DPF3: variants seen among roughly 807,000 people sequenced by gnomAD.
The protein encoded by DPF3 is double PHD fingers 3.
DPF3 carries 18 observed loss-of-function variants against 56.8 expected under a neutral mutation model. The ratio of observed to expected loss-of-function variants is 0.32; its 90% CI spans 0.22 to 0.47. The LOEUF is 0.47. DPF3 is among the 20% of genes least tolerant of loss of function. The pLI, the probability that DPF3 is intolerant of heterozygous loss-of-function variation, is 1.00. For synonymous variants in DPF3, 188 were observed against 180.2 expected (o/e 1.04, Z -0.35); for missense variants, 403 against 488.8 (o/e 0.82, Z 1.65).
intron 7 of DPF3, among the ~76,000 whole-genome samples, chr14:72,692,110 G>A (rs1395509100): frequency 6.6e-6 from 1 of 152,194 alleles, no homozygotes; most frequent in Non-Finnish European, 1.5e-5. Context: ...AGTTGACTAA[G>A]TCGTTGGCTA....
At chr14:72,645,487 A>G (rs1301385921) in intron 8 of DPF3, among the ~76,000 whole-genome samples, 1 of 151,918 alleles carries the variant, frequency 6.6e-6, no homozygotes, top group Non-Finnish European at 1.5e-5. Context: ...TGCCTGGCTA[A>G]TTTTTAAATT....
chr14:72,637,860 A>C (rs1204451307), intron 8 of DPF3, among the ~76,000 whole-genome samples: 1 of 147,338 alleles, frequency 6.8e-6, no homozygotes, highest in Non-Finnish European at 1.5e-5. Context: ...TCTAGAATTC[A>C]TGTCAACTTT....
At chr14:72,817,208 C>T (rs923639894) in intron 1 of DPF3, among the ~76,000 whole-genome samples, 3 of 152,170 alleles carry the variant, frequency 2.0e-5, no homozygotes, top group Admixed American at 2.0e-4. Flanking sequence ...CCTAAATGGC[C>T]CTGTTTCCCA....
intron 1 of DPF3, among the ~76,000 whole-genome samples, chr14:72,813,056 G>A (rs190137041): frequency 6.6e-5 from 10 of 152,218 alleles, no homozygotes; most frequent in African/African-American, 2.2e-4. Flanking sequence ...GGGCTCCTTC[G>A]AAAATGCTTC....
chr14:72,739,332 T>G (rs1890034756), intron 3 of DPF3, among the ~76,000 whole-genome samples: 1 of 152,008 alleles, frequency 6.6e-6, no homozygotes, highest in Non-Finnish European at 1.5e-5. Flanking sequence ...TCCATTACCC[T>G]AAAGCACACA....
At chr14:72,877,347 C>A (rs899970008) in intron 1 of DPF3, among the ~76,000 whole-genome samples, 1 of 152,040 alleles carries the variant, frequency 6.6e-6, no homozygotes, top group Admixed American at 6.6e-5. Flanking sequence ...CTATCCAGAC[C>A]AGTTCCTCTG....
intron 3 of DPF3, among the ~76,000 whole-genome samples, chr14:72,732,958 G>T (rs1043613087): frequency 6.8e-6 from 1 of 146,010 alleles, no homozygotes; most frequent in Non-Finnish European, 1.5e-5. Context: ...TAGAGACAGG[G>T]TCTTACTTTA....
At chr14:72,683,613 T>C (rs1887266097) in intron 7 of DPF3, among the ~76,000 whole-genome samples, 2 of 152,156 alleles carry the variant, frequency 1.3e-5, no homozygotes, top group Admixed American at 1.3e-4. Flanking sequence ...GGTCACACGT[T>C]AGTCAGTGGC....
Position 72,637,110 on chromosome 14 carries a change from T to C in DPF3, c.872-7374A>G, listed in dbSNP as rs568891558. 2.6e-5 allele frequency among the ~76,000 whole-genome samples: 4 copies of C among 152,328 alleles called. No homozygotes were observed. The South Asian group carries it at 8.3e-4, about 32-fold the overall frequency. On this transcript the variant is annotated intron_variant, in intron 8 of 10. Coordinates refer to ENST00000556509, the MANE Select transcript of DPF3 (RefSeq NM_001280542.3). ...TAAATAACCATACAAAGCACATTCA[T>C]GCAAGAGTATTACGGGCACTTTTAA...
intron 1 of DPF3, among the ~76,000 whole-genome samples, chr14:72,876,245 G>A (rs2140118220): frequency 6.6e-6 from 1 of 152,286 alleles, no homozygotes; most frequent in East Asian, 1.9e-4. Flanking sequence ...GCCCCACAGG[G>A]TGTCTCCCTC....
chr14:72,884,529 G>A (rs1056968542), intron 1 of DPF3, among the ~76,000 whole-genome samples: 1 of 151,880 alleles, frequency 6.6e-6, no homozygotes, highest in Non-Finnish European at 1.5e-5. Context: ...GGGCCGCTGC[G>A]GGGAAGCCAG....
chr14:72,852,432 C>T (rs1273632105), intron 1 of DPF3, among the ~76,000 whole-genome samples: 2 of 152,182 alleles, frequency 1.3e-5, no homozygotes, highest in Non-Finnish European at 2.9e-5. Context: ...GTTCTGGTAA[C>T]CGCCCCCAAC....
At chr14:72,830,360 A>G (rs1359873724) in intron 1 of DPF3, among the ~76,000 whole-genome samples, 2 of 152,200 alleles carry the variant, frequency 1.3e-5, no homozygotes, top group African/African-American at 4.8e-5. Flanking sequence ...ATCCAGTTAC[A>G]CTGTCCTTAT....
At chr14:72,621,652 G>A (rs1005410527) in intron 9 of DPF3, among the ~76,000 whole-genome samples, 8 of 152,188 alleles carry the variant, frequency 5.3e-5, no homozygotes, top group African/African-American at 1.9e-4. Flanking sequence ...TACCCAGTGG[G>A]GGAGAGGTTC....
intron 4 of DPF3, among the ~76,000 whole-genome samples, chr14:72,728,222 C>T (rs746505338): frequency 6.6e-6 from 1 of 152,194 alleles, no homozygotes; most frequent in Non-Finnish European, 1.5e-5. Context: ...GTCACATACA[C>T]ACACACAAGG....
At position 72,771,950 on chromosome 14, in the gene DPF3, G is replaced by C. The variant is rs956146035; in HGVS notation, c.33-57C>G. 37 of 1,379,240 alleles carry C rather than the reference G, an allele frequency of 2.7e-5. No homozygotes were observed. In the African/African-American group the frequency reaches 4.0e-4, roughly 15 times the overall value. The allele number at this position is 1,379,240 out of a possible 1,614,324, so 85.4% of individuals were successfully genotyped here. A position where few individuals can be genotyped will look rare whatever the true frequency, so the allele number is the denominator to read the frequency against. The stretch of plus-strand genomic sequence containing the variant: ...CAGGGAAGACTGAAACACACCCAGA[G>C]GGAAACACACCCAGAGGGAAACACA... On this transcript the variant is annotated intron_variant, in intron 1 of 10. Transcript: ENST00000556509.
chr14:72,839,311 A>G lies in DPF3; in HGVS notation c.32+54746T>C, dbSNP rs78770125. ...AGCCTAAAAGAGGGACTCCCAAGTA[A>G]TATCAACTTGCAAACCTATGAATTT... On this transcript the variant is annotated intron_variant, in intron 1 of 10. Transcript: ENST00000556509. 4.6e-3 allele frequency among the ~76,000 whole-genome samples: 701 copies of G among 152,230 alleles called. 4 individuals carry two copies. Among genetic ancestry groups the G allele is most frequent in the African/African-American group, 0.016 (669 of 41,540 alleles).
At chr14:72,731,512 C>A (rs1011782729) in intron 4 of DPF3, 30 of 324,184 alleles carry the variant, frequency 9.3e-5, no homozygotes, top group African/African-American at 6.4e-4. Flanking sequence ...TTTGTCCACT[C>A]TGTGTCCCTG....
chr14:72,765,830 C>T lies in DPF3; in HGVS notation c.193+5903G>A, dbSNP rs182596822. 2.0e-5 allele frequency among the ~76,000 whole-genome samples: 3 copies of T among 152,208 alleles called. No homozygotes were observed. In the East Asian group the frequency reaches 5.8e-4, roughly 29 times the overall value. ...CGGGGAGGCTGAGGCAGGAGAATGG[C>T]GTGAACCCAGGAGGCGGAGCTTGCA... On this transcript the variant is annotated intron_variant, in intron 2 of 10. Transcript: ENST00000556509.
Sources: allele counts gnomAD v4.1 joint callset (sites outside exome capture counted in the v4.1 genomes callset), GRCh38; gene constraint gnomAD v4.1.1; transcripts MANE v1.5; gene names NCBI Gene and HGNC (gene_info 2026-07-23, HGNC 2026-07-21).